The following FGGY variants were observed in gnomAD, a reference collection of about 807,000 sequenced individuals.
The protein encoded by FGGY is FGGY carbohydrate kinase domain containing.
A neutral mutation model predicts 71.3 loss-of-function variants in FGGY; 72 were observed. The observed-to-expected ratio is 1.01, with a 90% CI of 0.84 to 1.23. The LOEUF is 1.23. FGGY is among the 50% of genes most tolerant of loss of function. The probability of loss-of-function intolerance (pLI) is 0.00; values close to 1 mark genes in which losing one functional copy is unlikely to be tolerated. For missense variants in FGGY, 668 were observed against 682.3 expected (o/e 0.98, Z 0.23); for synonymous variants, 251 against 250.3 (o/e 1.00, Z -0.02).
intron 1 of FGGY, chr1:59,310,097 G>A (rs1230654947): frequency 6.6e-6 from 1 of 152,114 alleles, no homozygotes; most frequent in Non-Finnish European, 1.5e-5. Context: ...ATGATCGCAT[G>A]GAGAATGGAT....
chr1:59,580,783 TCA>T (rs1159836887), intron 8 of FGGY, among the ~76,000 whole-genome samples: 10 of 152,154 alleles, frequency 6.6e-5, no homozygotes, highest in Non-Finnish European at 1.3e-4. Flanking sequence ...TTCCTCTTCA[TCA>T]CAAAAAAAGT....
intron 8 of FGGY, among the ~76,000 whole-genome samples, chr1:59,598,078 C>T (rs1050721860): frequency 4.6e-5 from 7 of 152,200 alleles, no homozygotes; most frequent in African/African-American, 1.2e-4. Context: ...TCCTCCCTTG[C>T]GTGATCCATA....
At chr1:59,340,180 A>C (rs1440288989) in intron 3 of FGGY, 111 bp downstream of exon 3, 1 of 703,638 alleles carries the variant, frequency 1.4e-6, no homozygotes. Flanking sequence ...AGTAAAATTT[A>C]GAGGTAGAGT....
intron 14 of FGGY, among the ~76,000 whole-genome samples, chr1:59,694,418 CAT>C (rs2097635718): frequency 6.6e-6 from 1 of 152,126 alleles, no homozygotes; most frequent in Non-Finnish European, 1.5e-5. Flanking sequence ...GACTGGTTCA[CAT>C]GTCTTATCAG....
intron 11 of FGGY, among the ~76,000 whole-genome samples, chr1:59,644,652 A>G (rs892940018): frequency 1.3e-5 from 2 of 151,948 alleles, no homozygotes; most frequent in African/African-American, 4.8e-5. Context: ...CTTACTTTTA[A>G]AGTAAGAAAA....
intron 11 of FGGY, chr1:59,641,174 G>A: frequency 2.7e-6 from 2 of 740,104 alleles, no homozygotes; most frequent in Non-Finnish European, 4.6e-6. Context: ...CATGGCATGT[G>A]AATGTCTACA....
chr1:59,709,686 A>G (rs1176051214), intron 14 of FGGY, among the ~76,000 whole-genome samples: 1 of 152,168 alleles, frequency 6.6e-6, no homozygotes, highest in African/African-American at 2.4e-5. Context: ...GTAGTTCTCA[A>G]ATGTCACTGG....
At chr1:59,410,864 A>G (rs1377645678) in intron 5 of FGGY, among the ~76,000 whole-genome samples, 1 of 152,238 alleles carries the variant, frequency 6.6e-6, no homozygotes, top group South Asian at 2.1e-4. Flanking sequence ...AAAGAATAAT[A>G]TAATGAGTAT....
rs116597855 is a variant in FGGY at position 59,487,185 on chromosome 1, A to C, written c.671-25126A>C. Among the ~76,000 whole-genome samples, 222 of 152,178 alleles carry C rather than the reference A, an allele frequency of 1.5e-3. 2 individuals carry two copies. Among genetic ancestry groups the C allele is most frequent in the Non-Finnish European group, 1.8e-3 (124 of 67,982 alleles). On this transcript the variant is annotated intron_variant, in intron 6 of 15. Coordinates refer to ENST00000303721, the MANE Select transcript of FGGY (RefSeq NM_018291.5). Reference sequence around the variant, plus strand: ...CCAACCCAGGGAAGAGCTGATTTACACTCCATTCTCGGGTTGAGCTCCCTG... The same window carrying C: ...CCAACCCAGGGAAGAGCTGATTTACCCTCCATTCTCGGGTTGAGCTCCCTG...
chr1:59,566,971 A>G (rs2095883326), intron 8 of FGGY, among the ~76,000 whole-genome samples: 1 of 152,194 alleles, frequency 6.6e-6, no homozygotes, highest in African/African-American at 2.4e-5. Flanking sequence ...ACAATAGTAC[A>G]TTGCCATTTA....
At chr1:59,739,788 G>T (rs929584500) in intron 14 of FGGY, among the ~76,000 whole-genome samples, 2 of 152,076 alleles carry the variant, frequency 1.3e-5, no homozygotes, top group Non-Finnish European at 2.9e-5. Flanking sequence ...AATCCAGGAT[G>T]AATTCAGCTT....
chr1:59,400,545 GT>G (rs533224450), intron 5 of FGGY, among the ~76,000 whole-genome samples: 6,747 of 137,918 alleles, frequency 0.049, 380 homozygotes, highest in African/African-American at 0.15. Flanking sequence ...ATTCTGTTTT[GT>G]TTTTTTTTTT....
At chr1:59,458,066 C>G (rs139561072) in intron 6 of FGGY, among the ~76,000 whole-genome samples, 1 of 152,162 alleles carries the variant, frequency 6.6e-6, no homozygotes, top group Non-Finnish European at 1.5e-5. Flanking sequence ...AAGTCAGGAT[C>G]GAAATTCTCC....
intron 8 of FGGY, among the ~76,000 whole-genome samples, chr1:59,562,806 A>G (rs1255740796): frequency 6.6e-6 from 1 of 152,214 alleles, no homozygotes; most frequent in Non-Finnish European, 1.5e-5. Flanking sequence ...AGATTTGGGT[A>G]TGTTTATCTT....
intron 14 of FGGY, among the ~76,000 whole-genome samples, chr1:59,693,560 G>A (rs1459393889): frequency 2.0e-5 from 3 of 152,196 alleles, no homozygotes; most frequent in Non-Finnish European, 4.4e-5. Context: ...GGAAGGAGAA[G>A]AGGAGGAAGA....
In FGGY at chr1:59,762,644, T is replaced by C; in HGVS notation, c.*60T>C. 1 of 1,153,376 alleles carries C rather than the reference T, an allele frequency of 8.7e-7. No homozygotes were observed. The highest frequency in any genetic ancestry group is 1.3e-6 in the Non-Finnish European group (1 of 783,462). The allele number at this position is 1,153,376 out of a possible 1,614,324, so 71.4% of individuals were successfully genotyped here. ...GTGCCATTGCATTAAAGACTTGTCA[T>C]TTGATCCATGTTCAAGACCCTTGAG... On this transcript the variant is annotated 3_prime_UTR_variant, in exon 16 of 16. Coordinates refer to ENST00000303721, the MANE Select transcript of FGGY (RefSeq NM_018291.5).
At chr1:59,375,019 A>C (rs2058408707) in intron 4 of FGGY, among the ~76,000 whole-genome samples, 1 of 151,674 alleles carries the variant, frequency 6.6e-6, no homozygotes, top group Non-Finnish European at 1.5e-5. Context: ...TACACAGGTA[A>C]CTAACCTGCA....
At chr1:59,304,162 A>C (rs11583329) in intron 1 of FGGY, among the ~76,000 whole-genome samples, 28,643 of 152,094 alleles carry the variant, frequency 0.19, 3,338 homozygotes, top group East Asian at 0.41. Context: ...GCCAAGACCA[A>C]TGTCGAGGAG....
At chr1:59,607,387 C>G (rs2096633776) in intron 8 of FGGY, among the ~76,000 whole-genome samples, 1 of 152,188 alleles carries the variant, frequency 6.6e-6, no homozygotes. Context: ...TCACATCTGC[C>G]TCATTCTCTT....
Sources: allele counts gnomAD v4.1 joint callset (sites outside exome capture counted in the v4.1 genomes callset), GRCh38; gene constraint gnomAD v4.1.1; transcripts MANE v1.5; gene names NCBI Gene and HGNC (gene_info 2026-07-23, HGNC 2026-07-21).